The following ZNRF1 variants were observed in gnomAD, a reference collection of about 807,000 sequenced individuals.
ZNRF1 encodes E3 ubiquitin-protein ligase ZNRF1.
Under a neutral mutation model 18.4 loss-of-function variants are expected in ZNRF1, and 3 were observed. The ratio of observed to expected loss-of-function variants is 0.16; its 90% CI spans 0.07 to 0.42. The LOEUF (loss-of-function observed/expected upper bound fraction) is 0.42. Among genes scored for constraint, ZNRF1 ranks in the 10% least tolerant of loss-of-function variants. The pLI is 0.99. For synonymous variants in ZNRF1, 157 were observed against 144.2 expected, an observed-to-expected ratio of 1.09 and a Z score of -0.64; for missense variants, 310 against 329.8, an observed-to-expected ratio of 0.94 and a Z score of 0.47.
intron 1 of ZNRF1, among the ~76,000 whole-genome samples, chr16:75,081,907 G>C (rs529494309): frequency 4.5e-4 from 68 of 152,322 alleles, no homozygotes; most frequent in African/African-American, 1.6e-3. Context: ...CACTTTCTGA[G>C]TCATAATTAA....
At position 75,091,719 on chromosome 16, in the gene ZNRF1, TAG is replaced by T. The variant is rs1055708925; in HGVS notation, c.425-1849_425-1848del. On this transcript the variant is annotated intron_variant, in intron 1 of 4. Coordinates refer to ENST00000335325, the MANE Select transcript of ZNRF1 (RefSeq NM_032268.5). Reference sequence around the variant, plus strand: ...AGCTAATTTTTTTTTGTAATTTTTGTAGAGACAGGCTTTTGCCATGTTGCCTA... The same window carrying T: ...AGCTAATTTTTTTTTGTAATTTTTGTAGACAGGCTTTTGCCATGTTGCCTA... Among the ~76,000 whole-genome samples, 75 of 151,824 alleles carry T rather than the reference TAG, an allele frequency of 4.9e-4. 1 individual carries two copies. The highest frequency in any genetic ancestry group is 1.8e-3 in the African/African-American group (75 of 41,416).
chr16:75,084,350 A>T (rs2036050541), intron 1 of ZNRF1: 1 of 152,206 alleles, frequency 6.6e-6, no homozygotes. Context: ...AAGAAGGAAG[A>T]CTTGAGGCTG....
intron 1 of ZNRF1, among the ~76,000 whole-genome samples, chr16:75,001,908 AG>A (rs1388876680): frequency 2.6e-5 from 4 of 152,182 alleles, no homozygotes; most frequent in African/African-American, 9.6e-5. Context: ...TGGTGAGGGT[AG>A]GGAGAGCCAC....
rs35369673 is a variant in ZNRF1 at position 75,047,957 on chromosome 16, C to CTT, written c.425-45604_425-45603dup. Among the ~76,000 whole-genome samples, 547 of 147,404 alleles carry CTT rather than the reference C, an allele frequency of 3.7e-3. 4 individuals are homozygous for CTT. Among genetic ancestry groups the CTT allele is most frequent in the South Asian group, 7.1e-3 (33 of 4,668 alleles). ...TGTATGTGTCTGTGTCCTCATCATT[C>CTT]TTTTTTTTTTTTGAGACAAGGTCTG... On this transcript the variant is annotated intron_variant, in intron 1 of 4. Transcript: ENST00000335325.
intron 1 of ZNRF1, among the ~76,000 whole-genome samples, chr16:75,087,906 C>T (rs1257757729): frequency 1.3e-5 from 2 of 152,226 alleles, no homozygotes; most frequent in Non-Finnish European, 2.9e-5. Flanking sequence ...ACTCCCCTGG[C>T]CTCCAGGGTG....
intron 1 of ZNRF1, among the ~76,000 whole-genome samples, chr16:75,059,262 T>TTG (rs2035712501): frequency 7.4e-6 from 1 of 134,818 alleles, no homozygotes; most frequent in East Asian, 2.2e-4. Context: ...TTTTTTTTTT[T>TTG]GTGGAGAAAG....
At chr16:75,012,484 T>C (rs1429776420) in intron 1 of ZNRF1, among the ~76,000 whole-genome samples, 2 of 152,186 alleles carry the variant, frequency 1.3e-5, no homozygotes, top group Non-Finnish European at 2.9e-5. Flanking sequence ...TGGCACACTT[T>C]ACAAAAAGTG....
chr16:75,088,935 G>A (rs1597904569), intron 1 of ZNRF1, among the ~76,000 whole-genome samples: 1 of 152,146 alleles, frequency 6.6e-6, no homozygotes, highest in Non-Finnish European at 1.5e-5. Context: ...CACAGTGCTC[G>A]AGAGGTTCAA....
intron 2 of ZNRF1, among the ~76,000 whole-genome samples, chr16:75,101,670 G>A (rs1440188966): frequency 1.3e-5 from 2 of 152,168 alleles, no homozygotes; most frequent in African/African-American, 4.8e-5. Flanking sequence ...ATAGTAAAAT[G>A]CAAACACCAG....
chr16:75,071,260 T>C (rs188299273), intron 1 of ZNRF1, among the ~76,000 whole-genome samples: 4 of 152,210 alleles, frequency 2.6e-5, no homozygotes, highest in Admixed American at 2.6e-4. Flanking sequence ...CCACCACACC[T>C]GGCTAATTTT....
chr16:75,012,773 C>T (rs1205854597), intron 1 of ZNRF1, among the ~76,000 whole-genome samples: 1 of 152,162 alleles, frequency 6.6e-6, no homozygotes, highest in East Asian at 1.9e-4. Flanking sequence ...ACATAAGCTA[C>T]AGACGGGAAG....
chr16:75,039,196 A>G (rs1239909898), intron 1 of ZNRF1, among the ~76,000 whole-genome samples: 2 of 152,222 alleles, frequency 1.3e-5, no homozygotes, highest in African/African-American at 2.4e-5. Context: ...ATTTAAAATT[A>G]GACTAAACTT....
chr16:75,021,750 C>T (rs1212619568), intron 1 of ZNRF1, among the ~76,000 whole-genome samples: 1 of 152,114 alleles, frequency 6.6e-6, no homozygotes, highest in East Asian at 1.9e-4. Context: ...TTTATCTTGT[C>T]TTTACTCATG....
intron 1 of ZNRF1, among the ~76,000 whole-genome samples, chr16:75,069,307 T>G (rs1490214556): frequency 6.6e-6 from 1 of 152,222 alleles, no homozygotes; most frequent in Non-Finnish European, 1.5e-5. Context: ...CTCTCTTATA[T>G]TTCCTGTATC....
At chr16:75,045,556 CTTGTTTGT>C (rs67324313) in intron 1 of ZNRF1, among the ~76,000 whole-genome samples, 108 of 151,222 alleles carry the variant, frequency 7.1e-4, no homozygotes, top group African/African-American at 2.4e-3. Context: ...TAGTAATAGA[CTTGTTTGT>C]TTGTTTGTTT....
chr16:75,107,999 G>T lies in ZNRF1; in HGVS notation c.*299G>T. ...GGCATTGTGGGTCTGTCTTTAAAGTGTTTACAAAAAAAAATTATATAAAAA... is the reference window on the plus strand; with the variant it reads ...GGCATTGTGGGTCTGTCTTTAAAGTTTTTACAAAAAAAAATTATATAAAAA... On this transcript the variant is annotated 3_prime_UTR_variant, in exon 5 of 5. Transcript: ENST00000335325. 2 of 300,420 alleles carry T rather than the reference G, an allele frequency of 6.7e-6. No homozygotes were observed. The highest frequency in any genetic ancestry group is 6.6e-6 in the Non-Finnish European group (1 of 150,756). 18.6% of individuals were successfully genotyped at this position (300,420 alleles called of 1,614,324 possible).
chr16:75,051,531 T>G (rs12919300), intron 1 of ZNRF1, among the ~76,000 whole-genome samples: 123,478 of 151,048 alleles, frequency 0.82, 50,965 homozygotes, highest in Non-Finnish European at 0.88. Context: ...TTTTTTTTTT[T>G]GGGGGGGACG....
chr16:75,039,258 A>G (rs2035411580), intron 1 of ZNRF1, among the ~76,000 whole-genome samples: 1 of 152,100 alleles, frequency 6.6e-6, no homozygotes, highest in Admixed American at 6.6e-5. Context: ...TTTATTTATT[A>G]TTTTTAATTT....
Position 74,999,041 on chromosome 16 carries a change from G to C in ZNRF1, c.-631G>C, listed in dbSNP as rs969459693. ...CGCCCTCCATTGTCTCCACGGCGGC[G>C]AGGAGCGCCGGCGAGCGCAGCCCGG... On this transcript the variant is annotated 5_prime_UTR_variant, in exon 1 of 5. Coordinates refer to ENST00000335325, the MANE Select transcript of ZNRF1 (RefSeq NM_032268.5). The C allele has an allele frequency of 6.6e-6, 1 of 150,840 alleles. No homozygotes were observed. The highest frequency in any genetic ancestry group is 2.0e-4 in the South Asian group (1 of 4,986). The allele number at this position is 150,840 out of a possible 1,614,324, so 9.3% of individuals were successfully genotyped here.
Sources: gnomAD v4.1 joint callset for allele counts (sites outside exome capture counted in the v4.1 genomes callset) on GRCh38, gnomAD v4.1.1 for gene constraint, MANE v1.5 for transcripts, NCBI Gene and HGNC (gene_info 2026-07-23, HGNC 2026-07-21) for gene names.